The following ARIH1 variants were observed in gnomAD, a reference collection of about 807,000 sequenced individuals.
ARIH1 encodes the protein ariadne RBR E3 ubiquitin protein ligase 1.
ARIH1 carries 8 observed loss-of-function variants against 85.0 expected under a neutral mutation model. The observed-to-expected ratio is 0.09, with a 90% CI of 0.06 to 0.17. The LOEUF (loss-of-function observed/expected upper bound fraction) is 0.17. Among genes scored for constraint, ARIH1 ranks in the 10% least tolerant of loss-of-function variants. The probability of loss-of-function intolerance (pLI) is 1.00; values close to 1 mark genes in which losing one functional copy is unlikely to be tolerated. For synonymous variants in ARIH1, 238 were observed against 253.6 expected (o/e 0.94, Z 0.59); for missense variants, 311 against 718.1 (o/e 0.43, Z 6.48).
intron 7 of ARIH1, among the ~76,000 whole-genome samples, chr15:72,564,664 G>T (rs943036760): frequency 2.0e-5 from 3 of 152,130 alleles, no homozygotes; most frequent in Non-Finnish European, 4.4e-5. Flanking sequence ...TATAACAAAA[G>T]ACCATAAACT....
Position 72,582,019 on chromosome 15 carries a change from T to TGG in ARIH1, c.1477-55_1477-54dup. ...TCTGTAGTCAACAAAACAGTGAAAA[T>TGG]GGTTTATCTTTTAGCTTTATTTTGA... is the stretch of plus-strand genomic sequence containing the variant. On this transcript the variant is annotated intron_variant, in intron 12 of 13. Transcript: ENST00000379887. This position sits in a 1 kb window ranked among gnomAD's most constrained non-coding sequence, Gnocchi z 4.6. The TGG allele has an allele frequency of 8.1e-7, 1 of 1,227,090 alleles. No individual in the cohort carries two copies. Among genetic ancestry groups the TGG allele is most frequent in the East Asian group, 2.3e-5 (1 of 42,810 alleles). The allele number at this position is 1,227,090 out of a possible 1,614,324, so 76.0% of individuals were successfully genotyped here.
chr15:72,474,836 C>T lies in ARIH1; in HGVS notation c.197C>T (p.Thr66Met), dbSNP rs777220733. 1.4e-6 allele frequency: 2 copies of T among 1,387,022 alleles called. No homozygotes were observed. The highest frequency in any genetic ancestry group is 2.1e-5 in the South Asian group (1 of 48,734). 85.9% of individuals were successfully genotyped at this position (1,387,022 alleles called of 1,614,324 possible). The change falls in exon 1 of 14, where the codon ACG becomes ATG. Residue 66 changes from threonine to methionine, a missense_variant. Thr to Met is a moderately conservative substitution (Grantham distance 81). Around this residue, in one of 3 missense-constraint regions of ARIH1, gnomAD observed 157 missense variants for 185.1 expected, o/e 0.85. Transcript: ENST00000379887. ...GERDGLLCGE[T>M]GGGGGSALGP... is the part of the protein sequence containing the mutation. ...CGGGACGGACTGCTGTGCGGGGAGA[C>T]GGGCGGTGGCGGCGGCAGCGCTCTG...
intron 2 of ARIH1, among the ~76,000 whole-genome samples, chr15:72,530,423 A>G (rs1219456998): frequency 6.6e-6 from 1 of 152,192 alleles, no homozygotes; most frequent in Admixed American, 6.5e-5. Context: ...AGGTCTACTA[A>G]GAGCGAAAAT....
chr15:72,508,695 C>CT lies in ARIH1; in HGVS notation c.376-9356dup, dbSNP rs767444028. ...CTTTTACTCTCATTGTTCTTTCTTT[C>CT]TTTTTTTTTTTTTTTTGAGACGGAG... On this transcript the variant is annotated intron_variant, in intron 1 of 13. Coordinates refer to ENST00000379887, the MANE Select transcript of ARIH1 (RefSeq NM_005744.5). Among the ~76,000 whole-genome samples, 1,234 of 140,752 alleles carry CT rather than the reference C, an allele frequency of 8.8e-3. 13 individuals are homozygous for CT. The highest frequency in any genetic ancestry group is 0.033 in the East Asian group (162 of 4,920). 92.3% of individuals were successfully genotyped at this position (140,752 alleles called of 152,430 possible).
rs1567333354 is a variant in ARIH1, at chr15:72,474,332, T to C, written c.-308T>C. 1.7e-5 allele frequency: 6 copies of C among 359,342 alleles called. No individual in the cohort carries two copies. Among genetic ancestry groups the C allele is most frequent in the Non-Finnish European group, 3.1e-5 (6 of 195,346 alleles). 22.3% of individuals were successfully genotyped at this position (359,342 alleles called of 1,614,324 possible). On this transcript the variant is annotated 5_prime_UTR_variant, in exon 1 of 14. Transcript: ENST00000379887. ...GACGCACGCCCCTTTGTTGGCTCAGTAGCGATAGCAGCGGCCGTGGAGGTG... is the reference window on the plus strand; with the variant it reads ...GACGCACGCCCCTTTGTTGGCTCAGCAGCGATAGCAGCGGCCGTGGAGGTG...
chr15:72,575,551 CAAAAAAAAAAA>C (rs59727915), intron 11 of ARIH1, among the ~76,000 whole-genome samples: 2 of 60,562 alleles, frequency 3.3e-5, no homozygotes, highest in African/African-American at 1.3e-4. Flanking sequence ...ACCCTGTCTC[CAAAAAAAAAAA>C]AAAAAAAAAA....
intron 1 of ARIH1, 93 bp from the exon 2 acceptor site, chr15:72,517,974 G>A (rs1310881848): frequency 1.2e-6 from 1 of 826,680 alleles, no homozygotes; most frequent in Non-Finnish European, 2.0e-6. Context: ...TTTGGGTGGA[G>A]TATTGTGGAA....
chr15:72,569,860 T>G (rs927934533), intron 9 of ARIH1, among the ~76,000 whole-genome samples: 60 of 152,278 alleles, frequency 3.9e-4, no homozygotes, highest in African/African-American at 1.4e-3. Context: ...TCCAGAAGTT[T>G]AAGGCTTTAG....
chr15:72,529,502 G>T (rs1251829554), intron 2 of ARIH1, among the ~76,000 whole-genome samples: 1 of 152,206 alleles, frequency 6.6e-6, no homozygotes, highest in Non-Finnish European at 1.5e-5. Context: ...ACTGCACCCT[G>T]CCAGGAATTT....
chr15:72,514,506 G>T (rs993269184), intron 1 of ARIH1, among the ~76,000 whole-genome samples: 1 of 151,944 alleles, frequency 6.6e-6, no homozygotes, highest in Non-Finnish European at 1.5e-5. Context: ...GGGAGTTCGA[G>T]ACCAGCTTGG....
intron 3 of ARIH1, among the ~76,000 whole-genome samples, chr15:72,554,407 A>G (rs1236568298): frequency 6.6e-6 from 1 of 152,046 alleles, no homozygotes; most frequent in Non-Finnish European, 1.5e-5. Flanking sequence ...TTTTTTCCAA[A>G]TAGAGTCTCA....
At chr15:72,484,696 TGTGTATAC>T (rs2063830303) in intron 1 of ARIH1, among the ~76,000 whole-genome samples, 1 of 151,264 alleles carries the variant, frequency 6.6e-6, no homozygotes, top group Non-Finnish European at 1.5e-5. Context: ...TATGTATGCG[TGTGTATAC>T]GTATATACGT....
intron 1 of ARIH1, among the ~76,000 whole-genome samples, chr15:72,511,449 G>A (rs915473135): frequency 3.3e-5 from 5 of 152,034 alleles, no homozygotes; most frequent in South Asian, 2.1e-4. Flanking sequence ...GATTACAGGC[G>A]TCTGCCACCA....
intron 2 of ARIH1, among the ~76,000 whole-genome samples, chr15:72,531,465 G>A (rs764872409): frequency 1.3e-5 from 2 of 151,838 alleles, no homozygotes; most frequent in Non-Finnish European, 2.9e-5. Flanking sequence ...ATGGGGTTTC[G>A]CCACGTTGGC....
rs544071492 is a variant in ARIH1 at position 72,485,766 on chromosome 15, A to G, written c.375+10752A>G. Reference sequence around the variant, plus strand: ...TCATAGGCCATAACTTTGCTAAATTATTGACTGTATATACACAACTCATCG... The same window carrying G: ...TCATAGGCCATAACTTTGCTAAATTGTTGACTGTATATACACAACTCATCG... On this transcript the variant is annotated intron_variant, in intron 1 of 13. Transcript: ENST00000379887. Among the ~76,000 whole-genome samples, 3 of 152,296 alleles carry G rather than the reference A, an allele frequency of 2.0e-5. No individual in the cohort carries two copies. In the East Asian group the frequency reaches 5.8e-4, roughly 29 times the overall value.
chr15:72,583,094 T>C, intron 13 of ARIH1, 114 bp from the exon 14 acceptor site: 1 of 710,084 alleles, frequency 1.4e-6, no homozygotes, highest in African/African-American at 1.8e-5. Flanking sequence ...AAAAAATAGG[T>C]GCTTGGTTCC....
At chr15:72,497,029 C>T (rs1486432480) in intron 1 of ARIH1, among the ~76,000 whole-genome samples, 1 of 152,324 alleles carries the variant, frequency 6.6e-6, no homozygotes, top group South Asian at 2.1e-4. Flanking sequence ...TTGTAAAGGG[C>T]ACAATTTTAT....
intron 2 of ARIH1, among the ~76,000 whole-genome samples, chr15:72,538,031 A>G (rs1354660727): frequency 6.6e-6 from 1 of 152,190 alleles, no homozygotes; most frequent in African/African-American, 2.4e-5. Flanking sequence ...TGGAAGCATT[A>G]AAAGACTGGA....
At position 72,598,761 on chromosome 15, in the gene ARIH1, A is replaced by G. The variant is rs1159345702; in HGVS notation, c.*15469A>G. The stretch of plus-strand genomic sequence containing the variant: ...TTTTAAACACGTCTCACTGCCACCC[A>G]GGCTTGAGTGCCATGACATGATCAT... On this transcript the variant is annotated 3_prime_UTR_variant, in exon 14 of 14. Coordinates refer to ENST00000379887, the MANE Select transcript of ARIH1 (RefSeq NM_005744.5). The G allele has an allele frequency of 1.3e-5, 2 of 151,610 alleles. No individual in the cohort carries two copies. Among genetic ancestry groups the G allele is most frequent in the African/African-American group, 4.8e-5 (2 of 41,318 alleles). 9.4% of individuals were successfully genotyped at this position (151,610 alleles called of 1,614,324 possible).
Sources: gnomAD v4.1 joint callset for allele counts (sites outside exome capture counted in the v4.1 genomes callset) on GRCh38, gnomAD v4.1.1 for gene constraint, gnomAD v4.1.1 regional missense constraint, Gnocchi (gnomAD v3.1) non-coding constraint, MANE v1.5 for transcripts, NCBI Gene and HGNC (gene_info 2026-07-23, HGNC 2026-07-21) for gene names.